Variants in CACNA1E observed in about 807,000 individuals in gnomAD.
CACNA1E encodes calcium voltage-gated channel subunit alpha1 E, also known as voltage-dependent R-type calcium channel subunit alpha-1E.
Under a neutral mutation model 259.2 loss-of-function variants are expected in CACNA1E, and 40 were observed. The observed-to-expected ratio is 0.15, with a 90% CI of 0.12 to 0.20. CACNA1E has a LOEUF of 0.20. Ranked by LOEUF, CACNA1E falls within the 10% of genes least tolerant of loss-of-function variation. The pLI, the probability that CACNA1E is intolerant of heterozygous loss-of-function variation, is 1.00. For synonymous variants in CACNA1E, 1,104 were observed against 1,138.5 expected, an observed-to-expected ratio of 0.97 and a Z score of 0.61; for missense variants, 1,874 against 3,040.1, an observed-to-expected ratio of 0.62 and a Z score of 9.02.
At chr1:181,678,866 A>G (rs987944822) in intron 7 of CACNA1E, among the ~76,000 whole-genome samples, 43 of 152,260 alleles carry the variant, frequency 2.8e-4, no homozygotes, top group African/African-American at 8.9e-4. Context: ...TGCCTGGCAC[A>G]TAAGAGATGT....
At chr1:181,513,048 A>G (rs540755781) in intron 3 of CACNA1E, among the ~76,000 whole-genome samples, 1 of 152,328 alleles carries the variant, frequency 6.6e-6, no homozygotes, top group African/African-American at 2.4e-5. Flanking sequence ...ACAAAAAAAG[A>G]AAAGTATTGT....
chr1:181,509,400 G>T (rs1185740553), intron 1 of CACNA1E, among the ~76,000 whole-genome samples: 2 of 152,166 alleles, frequency 1.3e-5, no homozygotes, highest in Non-Finnish European at 2.9e-5. Context: ...GGTATGTGGG[G>T]AGATAAGAAC....
At chr1:181,553,265 T>G (rs1456539893) in intron 3 of CACNA1E, among the ~76,000 whole-genome samples, 1 of 152,210 alleles carries the variant, frequency 6.6e-6, no homozygotes, top group African/African-American at 2.4e-5. Flanking sequence ...TTGTAGCGAT[T>G]GTGAATTGGG....
At chr1:181,727,796 G>T (rs1177091802) in intron 18 of CACNA1E, among the ~76,000 whole-genome samples, 1 of 152,176 alleles carries the variant, frequency 6.6e-6, no homozygotes, top group Non-Finnish European at 1.5e-5. Context: ...GTCTATCCTG[G>T]CAATGACCCT....
intron 9 of CACNA1E, among the ~76,000 whole-genome samples, chr1:181,715,741 T>C (rs1463638021): frequency 6.6e-6 from 1 of 152,146 alleles, no homozygotes; most frequent in Non-Finnish European, 1.5e-5. Flanking sequence ...GGAAGTGGCA[T>C]TGTAGATGAA....
At chr1:181,406,659 G>C (rs1657487704) in intron 1 of CACNA1E, among the ~76,000 whole-genome samples, 1 of 152,118 alleles carries the variant, frequency 6.6e-6, no homozygotes, top group Admixed American at 6.5e-5. Flanking sequence ...GCCTCCCAAA[G>C]TGGATGTATC....
At chr1:181,553,141 GT>G (rs1160442677) in intron 3 of CACNA1E, among the ~76,000 whole-genome samples, 4 of 152,168 alleles carry the variant, frequency 2.6e-5, no homozygotes, top group Admixed American at 2.0e-4. Flanking sequence ...AAGATGGAAT[GT>G]TTTTTCCATT....
intron 15 of CACNA1E, 115 bp from the exon 16 acceptor site, chr1:181,721,643 T>C (rs1347144920): frequency 1.8e-6 from 1 of 549,498 alleles, no homozygotes; most frequent in South Asian, 3.4e-5. Context: ...CCTGGCAAGA[T>C]TGTCAAGCAA....
At chr1:181,523,400 A>C (rs1356713119) in intron 3 of CACNA1E, among the ~76,000 whole-genome samples, 2 of 152,242 alleles carry the variant, frequency 1.3e-5, no homozygotes, top group East Asian at 3.8e-4. Context: ...ATATAAATAC[A>C]TCTAAAAGTA....
At chr1:181,763,168 G>A (rs1172905098) in intron 33 of CACNA1E, among the ~76,000 whole-genome samples, 1 of 152,114 alleles carries the variant, frequency 6.6e-6, no homozygotes, top group Admixed American at 6.5e-5. Flanking sequence ...CTGGTTTTGT[G>A]TGCAGGGTAC....
intron 7 of CACNA1E, among the ~76,000 whole-genome samples, chr1:181,674,223 C>CAAAAAAAAAA (rs58198967): frequency 1.1e-5 from 1 of 88,420 alleles, no homozygotes; most frequent in African/African-American, 3.8e-5. Context: ...ACTAAAAATA[C>CAAAAAAAAAA]AAAAAAAAAA....
intron 7 of CACNA1E, among the ~76,000 whole-genome samples, chr1:181,705,529 G>A (rs1652711233): frequency 6.6e-6 from 1 of 152,184 alleles, no homozygotes; most frequent in Admixed American, 6.5e-5. Context: ...TACATATGTA[G>A]CATCTAGAGT....
chr1:181,364,577 G>C (rs1486834807), intron 1 of CACNA1E, among the ~76,000 whole-genome samples: 2 of 152,212 alleles, frequency 1.3e-5, no homozygotes, highest in Non-Finnish European at 1.5e-5. Flanking sequence ...TCAACACAGG[G>C]GTTGAATTGC....
At chr1:181,450,440 G>A (rs56297238) in intron 2 of CACNA1E, among the ~76,000 whole-genome samples, 4 of 114,508 alleles carry the variant, frequency 3.5e-5, no homozygotes, top group South Asian at 2.5e-4. Flanking sequence ...GTGTGTGTGT[G>A]TGTGTATGTG....
intron 6 of CACNA1E, among the ~76,000 whole-genome samples, chr1:181,588,778 G>A (rs1471417034): frequency 6.6e-6 from 1 of 152,206 alleles, no homozygotes. Flanking sequence ...GATGTGTCAT[G>A]CAGCTTTGGG....
At chr1:181,378,110 G>C (rs1409751464) in intron 1 of CACNA1E, among the ~76,000 whole-genome samples, 1 of 152,216 alleles carries the variant, frequency 6.6e-6, no homozygotes, top group Non-Finnish European at 1.5e-5. Context: ...CACTAGACTT[G>C]TTGTGGGATT....
At chr1:181,752,697 A>G (rs1384734413) in intron 27 of CACNA1E, among the ~76,000 whole-genome samples, 3 of 152,224 alleles carry the variant, frequency 2.0e-5, no homozygotes, top group Non-Finnish European at 4.4e-5. Context: ...ACCCTTCATA[A>G]TTTTGAGGCA....
At chr1:181,737,105 C>G (rs1170400958) in intron 22 of CACNA1E, among the ~76,000 whole-genome samples, 5 of 152,230 alleles carry the variant, frequency 3.3e-5, no homozygotes, top group Non-Finnish European at 7.3e-5. Context: ...AAACTCATTA[C>G]TGCTTTCGTC....
intron 6 of CACNA1E, among the ~76,000 whole-genome samples, chr1:181,593,460 T>C (rs1652855768): frequency 6.6e-6 from 1 of 152,254 alleles, no homozygotes; most frequent in African/African-American, 2.4e-5. Context: ...GGCACTTTAA[T>C]AGTTCTTGCT....
Sources: gnomAD v4.1 joint callset for allele counts (sites outside exome capture counted in the v4.1 genomes callset) on GRCh38, gnomAD v4.1.1 for gene constraint, MANE v1.5 for transcripts, NCBI Gene and HGNC (gene_info 2026-07-23, HGNC 2026-07-21) for gene names.